CPSF2: variants seen among roughly 807,000 people sequenced by gnomAD.
The protein encoded by CPSF2 is cleavage and polyadenylation specific factor 2, also known as cleavage and polyadenylation specificity factor subunit 2.
CPSF2 carries 51 observed loss-of-function variants against 84.2 expected under a neutral mutation model. That is an observed-to-expected ratio of 0.61 (90% CI 0.48 to 0.77). CPSF2 has a LOEUF of 0.77. Among genes scored for constraint, CPSF2 ranks in the 30% least tolerant of loss-of-function variants. The pLI is 0.00. For missense variants in CPSF2, 641 were observed against 929.4 expected, an observed-to-expected ratio of 0.69 and a Z score of 4.03; for synonymous variants, 286 against 311.9, an observed-to-expected ratio of 0.92 and a Z score of 0.87.
chr14:92,124,028 TGAGCTCAAAAGGA>T (rs2068814593), intron 1 of CPSF2, among the ~76,000 whole-genome samples: 1 of 152,228 alleles, frequency 6.6e-6, no homozygotes, highest in Admixed American at 6.5e-5. Flanking sequence ...AGGAATTTGC[TGAGCTCAAAAGGA>T]GAAGGTAATT....
At chr14:92,146,222 G>GT (rs2069142248) in intron 9 of CPSF2, among the ~76,000 whole-genome samples, 1 of 152,090 alleles carries the variant, frequency 6.6e-6, no homozygotes, top group Non-Finnish European at 1.5e-5. Context: ...AATAGAAATG[G>GT]TAAAAAAAGA....
At chr14:92,148,031 A>G (rs1398830429) in intron 9 of CPSF2, among the ~76,000 whole-genome samples, 1 of 152,180 alleles carries the variant, frequency 6.6e-6, no homozygotes, top group Non-Finnish European at 1.5e-5. Flanking sequence ...GGCCTTAAAC[A>G]TGTAAATCAC....
Position 92,138,354 on chromosome 14 carries a change from A to G in CPSF2, c.661+7A>G. 7.5e-7 allele frequency: 1 copy of G among 1,340,068 alleles called. No individual in the cohort carries two copies. The highest frequency in any genetic ancestry group is 2.1e-5 in the Admixed American group (1 of 48,700). 83.0% of individuals were successfully genotyped at this position (1,340,068 alleles called of 1,614,324 possible). A position where few individuals can be genotyped will look rare whatever the true frequency, so the allele number is the denominator to read the frequency against. ...AGAGATGAGCAGCTTCTGAGTACGT[A>G]TTCTTTCACGTCCTTATTATTATTA... On this transcript the variant is annotated splice_region_variant and intron_variant, in intron 7 of 15. Transcript: ENST00000298875.
intron 3 of CPSF2, among the ~76,000 whole-genome samples, chr14:92,132,294 C>T (rs577857201): frequency 6.7e-4 from 101 of 151,808 alleles, no homozygotes; most frequent in African/African-American, 2.1e-3. Flanking sequence ...ACCACCCGGC[C>T]GGCTAAGTTT....
Position 92,156,637 on chromosome 14 carries a change from T to C in CPSF2, c.1595+6T>C. ...ACAGAGTCTATTGAAATAAAGTAAG[T>C]GCTTTTGTGACATTTTGAAAATAGA... On this transcript the variant is annotated splice_donor_region_variant and intron_variant, in intron 12 of 15. Transcript: ENST00000298875. 1 of 1,517,856 alleles carries C rather than the reference T, an allele frequency of 6.6e-7. No individual in the cohort carries two copies. The highest frequency in any genetic ancestry group is 8.9e-7 in the Non-Finnish European group (1 of 1,123,902). The allele number at this position is 1,517,856 out of a possible 1,614,324, so 94.0% of individuals were successfully genotyped here. A position where few individuals can be genotyped will look rare whatever the true frequency, so the allele number is the denominator to read the frequency against.
Position 92,140,217 on chromosome 14 carries a change from G to T in CPSF2, c.661+1870G>T, listed in dbSNP as rs868414628. Among the ~76,000 whole-genome samples the T allele has an allele frequency of 1.4e-4, 22 of 152,054 alleles. 2 individuals are homozygous for T. The highest frequency in any genetic ancestry group is 4.8e-4 in the African/African-American group (20 of 41,490). ...TCCGCCCACCTCGGCCTCCCAAAGT[G>T]CTGGGATTACAGGCGTGAGCCACCG... On this transcript the variant is annotated intron_variant, in intron 7 of 15. Transcript: ENST00000298875.
At position 92,161,600 on chromosome 14, in the gene CPSF2, C is replaced by T. The variant is rs2069373079; in HGVS notation, c.2257-52C>T. 9.6e-6 allele frequency: 12 copies of T among 1,254,578 alleles called. No homozygotes were observed. In the South Asian group the frequency reaches 1.5e-4, roughly 16 times the overall value. 77.7% of individuals were successfully genotyped at this position (1,254,578 alleles called of 1,614,324 possible). On this transcript the variant is annotated intron_variant, in intron 15 of 15. Coordinates refer to ENST00000298875, the MANE Select transcript of CPSF2 (RefSeq NM_017437.3). ...TCATATATTTCGGTTATTATGTCTG[C>T]ATATTAATGAATAGAAAATGTACTA...
At chr14:92,161,030 TGTA>T (rs2069364500) in intron 14 of CPSF2, 79 bp from the exon 15 acceptor site, 4 of 1,250,112 alleles carry the variant, frequency 3.2e-6, no homozygotes, top group Admixed American at 2.3e-5. Context: ...TTAGAGATAA[TGTA>T]GTATTTTACT....
At chr14:92,152,113 TTTA>T (rs1313131639) in intron 9 of CPSF2, among the ~76,000 whole-genome samples, 2 of 151,896 alleles carry the variant, frequency 1.3e-5, no homozygotes, top group African/African-American at 2.4e-5. Context: ...TGTGGTTTTA[TTTA>T]TTATTTATTT....
rs2069514749 is a variant in CPSF2, at chr14:92,171,352, A to G, written c.*9608A>G. ...TCCCCATTTATTCAATATTTATATC[A>G]GTATAGAACATGGGTCCCTGTTTTA... is the stretch of plus-strand genomic sequence containing the variant. On this transcript the variant is annotated 3_prime_UTR_variant, in exon 16 of 16. Coordinates refer to ENST00000298875, the MANE Select transcript of CPSF2 (RefSeq NM_017437.3). 6.6e-6 allele frequency: 1 copy of G among 152,180 alleles called. No individual in the cohort carries two copies. The highest frequency in any genetic ancestry group is 1.5e-5 in the Non-Finnish European group (1 of 68,034). 9.4% of individuals were successfully genotyped at this position (152,180 alleles called of 1,614,324 possible).
chr14:92,122,826 C>A (rs558756357), intron 1 of CPSF2, among the ~76,000 whole-genome samples: 1 of 151,762 alleles, frequency 6.6e-6, no homozygotes, highest in African/African-American at 2.4e-5. Context: ...AATTTTACAA[C>A]CCCTTTAACC....
intron 9 of CPSF2, chr14:92,153,936 G>C (rs2069255385): frequency 6.8e-6 from 1 of 147,566 alleles, no homozygotes; most frequent in South Asian, 2.2e-4. Context: ...TCAAACTCAA[G>C]TGATTTTCCT....
chr14:92,154,573 TACAG>T (rs1392936928), intron 10 of CPSF2, 115 bp downstream of exon 10: 11 of 658,534 alleles, frequency 1.7e-5, no homozygotes, highest in Non-Finnish European at 2.5e-5. Context: ...TTAATTTTGT[TACAG>T]ACATCTTTCA....
intron 10 of CPSF2, 96 bp from the exon 11 acceptor site, chr14:92,155,027 A>G: frequency 1.3e-6 from 1 of 791,326 alleles, no homozygotes; most frequent in Non-Finnish European, 2.0e-6. Flanking sequence ...TATTGAATTA[A>G]TAATATTGAG....
chr14:92,143,974 C>T (rs753076193), intron 9 of CPSF2, among the ~76,000 whole-genome samples: 4 of 152,156 alleles, frequency 2.6e-5, no homozygotes, highest in Admixed American at 6.5e-5. Context: ...TAAAGACGTT[C>T]TTTATCCTGT....
intron 13 of CPSF2, 122 bp downstream of exon 13, chr14:92,158,006 A>G: frequency 1.5e-6 from 1 of 685,974 alleles, no homozygotes; most frequent in Non-Finnish European, 2.6e-6. Flanking sequence ...GCCCTAGCAG[A>G]CCTCATAGGG....
chr14:92,141,358 G>C (rs1294667885), intron 7 of CPSF2, among the ~76,000 whole-genome samples: 1 of 152,120 alleles, frequency 6.6e-6, no homozygotes, highest in African/African-American at 2.4e-5. Context: ...TTGAGGCAAA[G>C]TCTTTCTCTG....
rs891470286 is a variant in CPSF2, at chr14:92,170,201, A to G, written c.*8457A>G. The G allele has an allele frequency of 2.0e-5, 3 of 152,190 alleles. No individual in the cohort carries two copies. The highest frequency in any genetic ancestry group is 7.2e-5 in the African/African-American group (3 of 41,448). The allele number at this position is 152,190 out of a possible 1,614,324, so 9.4% of individuals were successfully genotyped here. On this transcript the variant is annotated 3_prime_UTR_variant, in exon 16 of 16. Coordinates refer to ENST00000298875, the MANE Select transcript of CPSF2 (RefSeq NM_017437.3). Reference sequence around the variant, plus strand: ...ATACTACTTGTCTTATTTGTTAACTATTTTGAAATAATTTTAAACTTACAG... The same window carrying G: ...ATACTACTTGTCTTATTTGTTAACTGTTTTGAAATAATTTTAAACTTACAG...
At chr14:92,146,981 A>T (rs756173842) in intron 9 of CPSF2, among the ~76,000 whole-genome samples, 1 of 151,952 alleles carries the variant, frequency 6.6e-6, no homozygotes, top group African/African-American at 2.4e-5. Context: ...TTGACTACAG[A>T]TTTAAAATAC....
Sources: gnomAD v4.1 joint callset for allele counts (sites outside exome capture counted in the v4.1 genomes callset) on GRCh38, gnomAD v4.1.1 for gene constraint, MANE v1.5 for transcripts, NCBI Gene and HGNC (gene_info 2026-07-23, HGNC 2026-07-21) for gene names.